SORCS3: variants seen among roughly 807,000 people sequenced by gnomAD.
SORCS3 encodes the protein VPS10 domain-containing receptor SorCS3.
Under a neutral mutation model 146.3 loss-of-function variants are expected in SORCS3, and 57 were observed. That is an observed-to-expected ratio of 0.39 (90% confidence interval 0.31 to 0.49). SORCS3 has a LOEUF of 0.49. SORCS3 is among the 20% of genes least tolerant of loss of function. The probability of loss-of-function intolerance (pLI) is 0.92; values close to 1 mark genes in which losing one functional copy is unlikely to be tolerated. For synonymous variants in SORCS3, 653 were observed against 618.5 expected, an observed-to-expected ratio of 1.06 and a Z score of -0.83; for missense variants, 1,341 against 1,575.5, an observed-to-expected ratio of 0.85 and a Z score of 2.52.
At chr10:104,803,711 G>C (rs956998267) in intron 1 of SORCS3, among the ~76,000 whole-genome samples, 5 of 152,076 alleles carry the variant, frequency 3.3e-5, no homozygotes, top group Admixed American at 2.6e-4. Flanking sequence ...GTTTCTATGT[G>C]AGTCCCCAGG....
intron 1 of SORCS3, among the ~76,000 whole-genome samples, chr10:104,714,124 A>G (rs1173903985): frequency 6.6e-6 from 1 of 151,946 alleles, no homozygotes; most frequent in East Asian, 1.9e-4. Flanking sequence ...GATATTGGTA[A>G]TTTGTGTCTT....
At chr10:104,987,375 T>C (rs557980813) in intron 4 of SORCS3, among the ~76,000 whole-genome samples, 2 of 152,318 alleles carry the variant, frequency 1.3e-5, no homozygotes, top group East Asian at 3.9e-4. Context: ...ATTACATTGC[T>C]TTCATAATTA....
chr10:105,035,699 C>G (rs2055301939), intron 4 of SORCS3, among the ~76,000 whole-genome samples: 1 of 152,190 alleles, frequency 6.6e-6, no homozygotes. Flanking sequence ...AACTCCTGAC[C>G]TTGTGATCCA....
intron 2 of SORCS3, among the ~76,000 whole-genome samples, chr10:104,900,080 G>C (rs529094364): frequency 1.3e-5 from 2 of 152,138 alleles, no homozygotes; most frequent in South Asian, 4.2e-4. Flanking sequence ...TCTCCCATTA[G>C]GTTTTGCCTC....
At chr10:104,743,745 C>G (rs2016876845) in intron 1 of SORCS3, among the ~76,000 whole-genome samples, 1 of 152,086 alleles carries the variant, frequency 6.6e-6, no homozygotes, top group Non-Finnish European at 1.5e-5. Context: ...CCTGTACGTG[C>G]TGCTGTGAGA....
chr10:104,842,963 C>T lies in SORCS3; in HGVS notation c.695+104C>T, dbSNP rs56182549. 9.1e-4 allele frequency: 813 copies of T among 891,714 alleles called. 5 individuals are homozygous for T. In the African/African-American group the frequency reaches 0.011, roughly 12 times the overall value. 55.2% of individuals were successfully genotyped at this position (891,714 alleles called of 1,614,324 possible). ...TGGACTGGAAGGAGCAGAAGATAGT[C>T]CTCTTCCTGGAAGCTCATGTTAATG... is the stretch of plus-strand genomic sequence containing the variant. On this transcript the variant is annotated intron_variant, in intron 2 of 26. Transcript: ENST00000369701.
At chr10:104,876,285 G>A (rs1255753675) in intron 2 of SORCS3, among the ~76,000 whole-genome samples, 1 of 152,144 alleles carries the variant, frequency 6.6e-6, no homozygotes, top group Non-Finnish European at 1.5e-5. Flanking sequence ...TACTTGCCTT[G>A]ATTTTTCTGG....
At chr10:104,796,874 C>T (rs1183673569) in intron 1 of SORCS3, among the ~76,000 whole-genome samples, 2 of 152,190 alleles carry the variant, frequency 1.3e-5, no homozygotes, top group African/African-American at 4.8e-5. Context: ...TGCACAGACA[C>T]ACTCCAGACT....
intron 5 of SORCS3, among the ~76,000 whole-genome samples, chr10:105,057,606 G>A (rs1230954673): frequency 6.6e-6 from 1 of 152,130 alleles, no homozygotes; most frequent in African/African-American, 2.4e-5. Flanking sequence ...ACATGATTTT[G>A]GCAAGTTTGG....
At chr10:104,953,111 G>C (rs913651648) in intron 3 of SORCS3, among the ~76,000 whole-genome samples, 5 of 152,208 alleles carry the variant, frequency 3.3e-5, no homozygotes, top group African/African-American at 9.6e-5. Context: ...AGATTATTCA[G>C]AGGAGGATAG....
chr10:104,824,276 A>G (rs1426312536), intron 1 of SORCS3, among the ~76,000 whole-genome samples: 1 of 152,206 alleles, frequency 6.6e-6, no homozygotes, highest in African/African-American at 2.4e-5. Context: ...CTTCTTCTCT[A>G]TGTATGTGAA....
Position 105,147,778 on chromosome 10 carries a change from C to A in SORCS3, c.1464C>A (p.Ile488=). The A allele has an allele frequency of 6.2e-7, 1 of 1,612,058 alleles. No homozygotes were observed. Among genetic ancestry groups the A allele is most frequent in the African/African-American group, 1.3e-5 (1 of 74,916 alleles). ...GCAGCAGAGGTCTAATGGGGAACAT[C>A]ATTATTGAATTGTATGAGGTATGTA... The part of the protein sequence containing the change: ...IKSSRGLMGN[I]IIELYEVAGI... The change falls in exon 9 of 27, where the codon ATC becomes ATA. Residue 488 remains isoleucine (I), a synonymous_variant. Coordinates refer to ENST00000369701, the MANE Select transcript of SORCS3 (RefSeq NM_014978.3).
chr10:105,159,173 C>A (rs2056239810), intron 11 of SORCS3, among the ~76,000 whole-genome samples, 179 bp downstream of exon 11: 1 of 152,178 alleles, frequency 6.6e-6, no homozygotes, highest in Admixed American at 6.5e-5. Flanking sequence ...GAGCTCCAGA[C>A]ATTTGTAATT....
chr10:105,050,466 A>G (rs1174474135), intron 5 of SORCS3, among the ~76,000 whole-genome samples: 3 of 152,140 alleles, frequency 2.0e-5, no homozygotes, highest in African/African-American at 4.8e-5. Context: ...CCAAAAGCCA[A>G]TGAGAAACTA....
At chr10:104,782,565 A>T (rs1036911156) in intron 1 of SORCS3, among the ~76,000 whole-genome samples, 4 of 152,204 alleles carry the variant, frequency 2.6e-5, no homozygotes, top group Non-Finnish European at 4.4e-5. Flanking sequence ...CTGTTCTTGG[A>T]TACCTACAGA....
At chr10:104,979,313 G>T (rs981434548) in intron 4 of SORCS3, among the ~76,000 whole-genome samples, 4 of 152,118 alleles carry the variant, frequency 2.6e-5, no homozygotes, top group African/African-American at 9.7e-5. Context: ...CTTAAGAAAA[G>T]ACATTTTAGA....
chr10:104,884,638 G>T (rs1350245267), intron 2 of SORCS3, among the ~76,000 whole-genome samples: 1 of 152,060 alleles, frequency 6.6e-6, no homozygotes, highest in African/African-American at 2.4e-5. Flanking sequence ...GGAGGATCAG[G>T]TTCCATTGGG....
chr10:105,102,633 A>C (rs114684396), intron 6 of SORCS3, among the ~76,000 whole-genome samples: 2,316 of 152,220 alleles, frequency 0.015, 60 homozygotes, highest in African/African-American at 0.053. Context: ...CACAACATGC[A>C]ATTTGCCTAT....
chr10:104,941,816 T>TA (rs56801988), intron 3 of SORCS3, among the ~76,000 whole-genome samples: 11 of 150,704 alleles, frequency 7.3e-5, no homozygotes, highest in South Asian at 6.3e-4. Flanking sequence ...CAAAGCAAAG[T>TA]AAAAAAAAAA....
Sources: allele counts gnomAD v4.1 joint callset (sites outside exome capture counted in the v4.1 genomes callset), GRCh38; gene constraint gnomAD v4.1.1; transcripts MANE v1.5; gene names NCBI Gene and HGNC (gene_info 2026-07-23, HGNC 2026-07-21).